Variants in FTSJ1 observed in about 807,000 individuals in gnomAD.
FTSJ1 encodes tRNA (cytidine(32)/guanosine(34)-2'-O)-methyltransferase.
Under a neutral mutation model 28.5 loss-of-function variants are expected in FTSJ1, and 3 were observed. The ratio of observed to expected loss-of-function variants is 0.11; its 90% CI spans 0.05 to 0.27. The LOEUF (loss-of-function observed/expected upper bound fraction) is 0.27. Ranked by LOEUF, FTSJ1 falls within the 10% of genes least tolerant of loss-of-function variation. The pLI is 1.00. For missense variants in FTSJ1, 162 were observed against 279.0 expected (o/e 0.58, Z 2.99); for synonymous variants, 104 against 113.9 (o/e 0.91, Z 0.55).
At chrX:48,477,771 G>T (rs1160244635) in intron 1 of FTSJ1, among the ~76,000 whole-genome samples, 190 bp from the exon 2 acceptor site, 1 of 110,490 alleles carries the variant, frequency 9.1e-6, no homozygotes, top group Non-Finnish European at 1.9e-5. Context: ...GGAACTGTGG[G>T]GTAAGTGATG....
chrX:48,484,547 C>T (rs1475767567), intron 12 of FTSJ1, among the ~76,000 whole-genome samples: 6 of 109,516 alleles, frequency 5.5e-5, no homozygotes, highest in African/African-American at 3.3e-5. Context: ...CCACCTCACC[C>T]GGCTAATTTT....
At chrX:48,483,342 G>A (rs2061581513) in intron 12 of FTSJ1, 1 of 316,305 alleles carries the variant, frequency 3.2e-6, no homozygotes. Flanking sequence ...AAAACAGTCT[G>A]TAAGTGCAAG....
intron 12 of FTSJ1, chrX:48,483,290 T>A (rs1234206381): frequency 2.3e-5 from 9 of 388,607 alleles, no homozygotes; most frequent in Non-Finnish European, 3.6e-5. Context: ...AGAAATATCT[T>A]GGCTCTCACA....
chrX:48,483,578 C>T (rs1301469831), intron 12 of FTSJ1, among the ~76,000 whole-genome samples: 1 of 110,537 alleles, frequency 9.0e-6, no homozygotes, highest in Non-Finnish European at 1.9e-5. Flanking sequence ...TGTGATTTCC[C>T]GGGCTCAAAA....
rs782092495 is a variant in FTSJ1 at position 48,476,238 on chromosome X, C to T, written c.-246C>T. 6.1e-5 allele frequency: 18 copies of T among 297,514 alleles called. No homozygotes were observed. Among genetic ancestry groups the T allele is most frequent in the South Asian group, 4.0e-4 (2 of 5,051 alleles). 24.5% of individuals were successfully genotyped at this position (297,514 alleles called of 1,213,427 possible). ...CCGGCCCGCCGGAACCTGGGCGATC[C>T]ACGATGCCGAGTTTGCCACGCTGCG... On this transcript the variant is annotated 5_prime_UTR_variant, in exon 1 of 13. Transcript: ENST00000348411.
In FTSJ1 at chrX:48,476,357, G is replaced by T. The variant is rs1383526698; in HGVS notation, c.-127G>T. The T allele has an allele frequency of 6.7e-6, 2 of 297,532 alleles. No homozygotes were observed. The highest frequency in any genetic ancestry group is 5.9e-6 in the Non-Finnish European group (1 of 169,902). 24.5% of individuals were successfully genotyped at this position (297,532 alleles called of 1,213,427 possible). A position where few individuals can be genotyped will look rare whatever the true frequency, so the allele number is the denominator to read the frequency against. On this transcript the variant is annotated 5_prime_UTR_variant, in exon 1 of 13. Coordinates refer to ENST00000348411, the MANE Select transcript of FTSJ1 (RefSeq NM_012280.4). ...GTCGCCCGTTTGCGCTCTCGCCGAG[G>T]CACAGGCTGCTCGCGGACCACCCTG...
chrX:48,485,022 G>T (rs1438242361), intron 12 of FTSJ1, among the ~76,000 whole-genome samples: 2 of 111,726 alleles, frequency 1.8e-5, no homozygotes, highest in African/African-American at 6.5e-5. Context: ...GCCGGGTGCC[G>T]TGGCTCAACG....
chrX:48,479,217 C>T lies in FTSJ1; in HGVS notation c.361+101C>T, dbSNP rs57028864. 0.015 allele frequency: 8,467 copies of T among 552,907 alleles called. 463 individuals carry two copies. In the African/African-American group the frequency reaches 0.16, roughly 11 times the overall value. 45.6% of individuals were successfully genotyped at this position (552,907 alleles called of 1,213,427 possible). On this transcript the variant is annotated intron_variant, in intron 5 of 12. Coordinates refer to ENST00000348411, the MANE Select transcript of FTSJ1 (RefSeq NM_012280.4). Reference sequence around the variant, plus strand: ...GACTTATTCACCTCTTCAGTTACTCCCTGCCTCTCCCTTCCGCACTCAGCT... The same window carrying T: ...GACTTATTCACCTCTTCAGTTACTCTCTGCCTCTCCCTTCCGCACTCAGCT...
chrX:48,481,076 G>A, intron 5 of FTSJ1, 75 bp from the exon 6 acceptor site: 1 of 888,739 alleles, frequency 1.1e-6, no homozygotes, highest in Non-Finnish European at 1.7e-6. Flanking sequence ...AATGTATTTA[G>A]TGTCTGATCT....
rs1401090440 is a variant in FTSJ1 at position 48,481,158 on chromosome X, T to G, written c.369T>G (p.Gly123=). 8 of 1,207,587 alleles carry G rather than the reference T, an allele frequency of 6.6e-6. No homozygotes were observed. Among genetic ancestry groups the G allele is most frequent in the Non-Finnish European group, 9.0e-6 (8 of 893,556 alleles). ...VVCDGAPDVT[G]LHDVDEYMQA... ...CTGTTCCTCTTGCCACAGTAACCGG[T>G]CTCCATGATGTTGATGAGTATATGC... Residue 123 remains glycine, a synonymous_variant, in exon 6 of 13, where the codon GGT becomes GGG. Coordinates refer to ENST00000348411, the MANE Select transcript of FTSJ1 (RefSeq NM_012280.4).
At chrX:48,480,564 C>T (rs940119280) in intron 5 of FTSJ1, among the ~76,000 whole-genome samples, 5 of 108,382 alleles carry the variant, frequency 4.6e-5, no homozygotes, top group Non-Finnish European at 9.6e-5. Context: ...GAGAAGAGGA[C>T]TGTGCTGGGC....
chrX:48,480,432 G>A (rs1031951486), intron 5 of FTSJ1, among the ~76,000 whole-genome samples: 1 of 110,346 alleles, frequency 9.1e-6, no homozygotes, highest in African/African-American at 3.3e-5. Flanking sequence ...GGGGAGAGTG[G>A]TAAAAGGTAA....
intron 2 of FTSJ1, 129 bp downstream of exon 2, chrX:48,478,297 A>G (rs1343562640): frequency 3.6e-6 from 3 of 842,699 alleles, no homozygotes; most frequent in Non-Finnish European, 5.2e-6. Context: ...GGAGACAGGC[A>G]GGAAGATAGG....
rs782101679 is a variant in FTSJ1, at chrX:48,482,334, C to T, written c.656-69C>T. The T allele has an allele frequency of 3.7e-4, 256 of 689,271 alleles. 1 individual carries two copies. Among genetic ancestry groups the T allele is most frequent in the Admixed American group, 1.5e-3 (62 of 40,474 alleles). The allele number at this position is 689,271 out of a possible 1,213,427, so 56.8% of individuals were successfully genotyped here. A position where few individuals can be genotyped will look rare whatever the true frequency, so the allele number is the denominator to read the frequency against. ...TGTGGGGAGGGTTTGGCAGCCATAC[C>T]GCCGCCTGTGTCATGACTGGCCCCA... is the stretch of plus-strand genomic sequence containing the variant. On this transcript the variant is annotated intron_variant, in intron 9 of 12. Transcript: ENST00000348411.
In FTSJ1 at chrX:48,477,947, T is replaced by C; in HGVS notation, c.-87-14T>C. ...GAGCCCAGTTTAGTTTGTGTGGTTCTCTCCGCCCTACAGAGGTAGGTGGTA... is the reference window on the plus strand; with the variant it reads ...GAGCCCAGTTTAGTTTGTGTGGTTCCCTCCGCCCTACAGAGGTAGGTGGTA... On this transcript the variant is annotated splice_polypyrimidine_tract_variant and intron_variant, in intron 1 of 12. Transcript: ENST00000348411. 8 of 1,152,602 alleles carry C rather than the reference T, an allele frequency of 6.9e-6. No individual in the cohort carries two copies. Among genetic ancestry groups the C allele is most frequent in the Non-Finnish European group, 9.4e-6 (8 of 848,956 alleles). 95.0% of individuals were successfully genotyped at this position (1,152,602 alleles called of 1,213,427 possible).
chrX:48,478,681 G>A lies in FTSJ1; in HGVS notation c.256G>A (p.Val86Ile), dbSNP rs781966136. The A allele has an allele frequency of 2.5e-6, 3 of 1,205,741 alleles. No homozygotes were observed. In the Admixed American group the frequency reaches 6.5e-5, roughly 26 times the overall value. ...GGCTATGGCTCCACTACCAGGTGTG[G>A]TACAGATCCAGGGGGACATCACCCA... The part of the protein sequence containing the change: ...LQAMAPLPGV[V>I]QIQGDITQLS... The change falls in exon 4 of 13, where the codon GTA becomes ATA. Residue 86 changes from valine (V) to isoleucine (I), a missense_variant. Coordinates refer to ENST00000348411, the MANE Select transcript of FTSJ1 (RefSeq NM_012280.4).
chrX:48,483,820 C>T (rs1414490690), intron 12 of FTSJ1, among the ~76,000 whole-genome samples: 1 of 110,546 alleles, frequency 9.0e-6, no homozygotes, highest in Non-Finnish European at 1.9e-5. Context: ...TCATAGAAGG[C>T]CTCAGACATT....
intron 9 of FTSJ1, 25 bp downstream of exon 9, chrX:48,481,740 C>G: frequency 1.1e-6 from 1 of 922,555 alleles, no homozygotes; most frequent in Non-Finnish European, 1.6e-6. Flanking sequence ...ATGGGCCACC[C>G]TGGGGGACTC....
Position 48,478,450 on chromosome X carries a change from C to A in FTSJ1, c.123C>A (p.Gly41=). ...GATGCTTTCACTATGTATGCCCAGGCGTGACACGGGCAGTTGACCTGTGTG... is the reference window on the plus strand; with the variant it reads ...GATGCTTTCACTATGTATGCCCAGGAGTGACACGGGCAGTTGACCTGTGTG... ...QLDKEFQLFQ[G]VTRAVDLCAA... The change falls in exon 3 of 13, where the codon GGC becomes GGA. Residue 41 remains glycine, a splice_region_variant and synonymous_variant. Transcript: ENST00000348411. The A allele has an allele frequency of 8.3e-7, 1 of 1,206,835 alleles. No homozygotes were observed. Among genetic ancestry groups the A allele is most frequent in the South Asian group, 1.8e-5 (1 of 56,816 alleles).
Sources: gnomAD v4.1 joint callset for allele counts (sites outside exome capture counted in the v4.1 genomes callset) on GRCh38, gnomAD v4.1.1 for gene constraint, MANE v1.5 for transcripts, NCBI Gene and HGNC (gene_info 2026-07-23, HGNC 2026-07-21) for gene names.